The following USP25 variants were observed in gnomAD, a reference collection of about 807,000 sequenced individuals.
USP25 encodes ubiquitin carboxyl-terminal hydrolase 25.
USP25 carries 85 observed loss-of-function variants against 158.5 expected under a neutral mutation model. That is an observed-to-expected ratio of 0.54 (90% CI 0.45 to 0.64). The LOEUF is 0.64. Among genes scored for constraint, USP25 ranks in the 30% least tolerant of loss-of-function variants. USP25 has a pLI of 0.00. For missense variants in USP25, 1,242 were observed against 1,327.3 expected, an observed-to-expected ratio of 0.94 and a Z score of 1.00; for synonymous variants, 464 against 460.4, an observed-to-expected ratio of 1.01 and a Z score of -0.10.
At chr21:15,749,780 A>G (rs1302444144) in intron 1 of USP25, among the ~76,000 whole-genome samples, 2 of 152,258 alleles carry the variant, frequency 1.3e-5, no homozygotes, top group African/African-American at 4.8e-5. Context: ...ATTTGTAGGC[A>G]GGTCGAAGTG....
intron 17 of USP25, among the ~76,000 whole-genome samples, chr21:15,840,617 C>G (rs1177068462): frequency 6.6e-6 from 1 of 152,086 alleles, no homozygotes; most frequent in Non-Finnish European, 1.5e-5. Context: ...TAGCCAGAAG[C>G]ATTCAGTGTT....
At position 15,805,192 on chromosome 21, in the gene USP25, G is replaced by A. The variant is rs766466072; in HGVS notation, c.714G>A (p.Lys238=). The A allele has an allele frequency of 3.7e-6, 6 of 1,610,178 alleles. No individual in the cohort carries two copies. In the South Asian group the frequency reaches 5.5e-5, roughly 15 times the overall value. ...CACTTCTTGTTGGTACCAAAAGGAA[G>A]TATGTTGATCCATCAAGAGCAGTTG... ...LFALLVGTKR[K]YVDPSRAVEI... Residue 238 remains lysine (K), a synonymous_variant, in exon 7 of 26, where the codon AAG becomes AAA. Coordinates refer to ENST00000400183, the MANE Select transcript of USP25 (RefSeq NM_001283041.3).
chr21:15,870,298 A>G (rs907891606), intron 23 of USP25, 151 bp downstream of exon 23: 4 of 566,080 alleles, frequency 7.1e-6, no homozygotes, highest in Non-Finnish European at 1.2e-5. Flanking sequence ...CAGAAAAATT[A>G]CACAGTTGAT....
chr21:15,840,444 T>C (rs2146434996), intron 17 of USP25, among the ~76,000 whole-genome samples: 1 of 152,282 alleles, frequency 6.6e-6, no homozygotes, highest in South Asian at 2.1e-4. Context: ...TGGCACAGGT[T>C]CAATAAACAT....
At chr21:15,798,265 C>T (rs1025684418) in intron 5 of USP25, among the ~76,000 whole-genome samples, 2 of 151,198 alleles carry the variant, frequency 1.3e-5, no homozygotes, top group East Asian at 3.9e-4. Context: ...TTTTGATGTA[C>T]AGCAGAATCT....
intron 1 of USP25, among the ~76,000 whole-genome samples, chr21:15,748,667 A>G (rs750353347): frequency 2.6e-5 from 4 of 151,996 alleles, no homozygotes; most frequent in Non-Finnish European, 4.4e-5. Context: ...TACATTTATT[A>G]TGTTCTGTTG....
intron 20 of USP25, among the ~76,000 whole-genome samples, chr21:15,853,596 CTACT>C (rs955973468): frequency 9.9e-5 from 15 of 152,168 alleles, no homozygotes; most frequent in African/African-American, 2.4e-4. Flanking sequence ...AATTTTCCCA[CTACT>C]TACTTAAAAT....
chr21:15,860,174 A>G (rs971933266), intron 20 of USP25, among the ~76,000 whole-genome samples: 2 of 151,710 alleles, frequency 1.3e-5, no homozygotes, highest in Admixed American at 6.6e-5. Context: ...TTTGTTTGAG[A>G]CGGAGTCTCA....
chr21:15,858,671 A>G (rs1055949460), intron 20 of USP25, among the ~76,000 whole-genome samples: 7 of 151,820 alleles, frequency 4.6e-5, no homozygotes, highest in African/African-American at 1.2e-4. Context: ...GTGATCAGAA[A>G]TTTTTATTAC....
Position 15,826,886 on chromosome 21 carries a change from C to A in USP25, c.1467-91C>A. ...CTTTAAGATTTTTTCTTTTGAATTACAAGCCAATTTAATACTGTGGGTTTG... is the reference window on the plus strand; with the variant it reads ...CTTTAAGATTTTTTCTTTTGAATTAAAAGCCAATTTAATACTGTGGGTTTG... On this transcript the variant is annotated intron_variant, in intron 13 of 25. Coordinates refer to ENST00000400183, the MANE Select transcript of USP25 (RefSeq NM_001283041.3). This position sits in a 1 kb window ranked among gnomAD's most constrained non-coding sequence, Gnocchi z 4.8. The A allele has an allele frequency of 1.5e-6, 2 of 1,292,740 alleles. No individual in the cohort carries two copies. The highest frequency in any genetic ancestry group is 2.1e-6 in the Non-Finnish European group (2 of 932,162). 80.1% of individuals were successfully genotyped at this position (1,292,740 alleles called of 1,614,324 possible).
At chr21:15,744,814 C>T (rs1365977692) in intron 1 of USP25, 4 of 152,504 alleles carry the variant, frequency 2.6e-5, no homozygotes, top group African/African-American at 9.6e-5. Flanking sequence ...TCTTGAACTC[C>T]TGACCTCAGG....
chr21:15,865,021 A>T (rs559672031), intron 21 of USP25, among the ~76,000 whole-genome samples: 1 of 152,168 alleles, frequency 6.6e-6, no homozygotes, highest in African/African-American at 2.4e-5. Context: ...TCACGCAGAC[A>T]TATTTTCTCT....
intron 6 of USP25, among the ~76,000 whole-genome samples, chr21:15,802,779 G>C (rs1319151219): frequency 6.6e-6 from 1 of 151,580 alleles, no homozygotes. Context: ...TAATCTCAAA[G>C]CAGAAGTAAG....
At chr21:15,876,539 A>G (rs113928368) in intron 24 of USP25, 11,494 of 166,230 alleles carry the variant, frequency 0.069, 506 homozygotes, top group East Asian at 0.093. Context: ...GACCTTCATC[A>G]CATGGTGGCA....
In USP25 at chr21:15,843,654, ACT is replaced by A. The variant is rs759084105; in HGVS notation, c.2337+1117_2337+1118del. Among the ~76,000 whole-genome samples, 322 of 152,244 alleles carry A rather than the reference ACT, an allele frequency of 2.1e-3. 3 individuals carry two copies. Among genetic ancestry groups the A allele is most frequent in the Non-Finnish European group, 3.1e-3 (213 of 67,998 alleles). On this transcript the variant is annotated intron_variant, in intron 18 of 25. Transcript: ENST00000400183. The surrounding 1 kb of genome is among the most constrained non-coding windows in gnomAD (Gnocchi z 4.0). ...AATGAATTTGATGTGAACATCACTA[ACT>A]CTAAAGCTTTTCCTGGAAAATGCTT...
In USP25 at chr21:15,741,288, C is replaced by CTT. The variant is rs35427982; in HGVS notation, c.45+10863_45+10864dup. Among the ~76,000 whole-genome samples, 80 of 139,790 alleles carry CTT rather than the reference C, an allele frequency of 5.7e-4. 1 individual carries two copies. The highest frequency in any genetic ancestry group is 1.6e-3 in the African/African-American group (63 of 38,554). The allele number at this position is 139,790 out of a possible 152,430, so 91.7% of individuals were successfully genotyped here. A position where few individuals can be genotyped will look rare whatever the true frequency, so the allele number is the denominator to read the frequency against. On this transcript the variant is annotated intron_variant, in intron 1 of 25. Coordinates refer to ENST00000400183, the MANE Select transcript of USP25 (RefSeq NM_001283041.3). ...GTGTATTCATGTACCTTTTGATGTA[C>CTT]TTTTTTTTTTTTTTCCAGTTTTTTG...
At chr21:15,871,051 T>G (rs1196683869) in intron 23 of USP25, among the ~76,000 whole-genome samples, 2 of 152,212 alleles carry the variant, frequency 1.3e-5, no homozygotes, top group Non-Finnish European at 2.9e-5. Context: ...GCACAGAACA[T>G]TTCCATAATC....
chr21:15,792,821 A>G (rs1280650938), intron 5 of USP25, among the ~76,000 whole-genome samples: 6 of 151,560 alleles, frequency 4.0e-5, no homozygotes, highest in African/African-American at 1.5e-4. Context: ...GTGCATCCTA[A>G]TAAGTAATAT....
chr21:15,768,111 T>G (rs2034146952), intron 3 of USP25, among the ~76,000 whole-genome samples: 2 of 152,084 alleles, frequency 1.3e-5, no homozygotes, highest in African/African-American at 4.8e-5. Context: ...ATTTTCCACT[T>G]GAAATAATGT....
Sources: gnomAD v4.1 joint callset for allele counts (sites outside exome capture counted in the v4.1 genomes callset) on GRCh38, gnomAD v4.1.1 for gene constraint, Gnocchi (gnomAD v3.1) non-coding constraint, MANE v1.5 for transcripts, NCBI Gene and HGNC (gene_info 2026-07-23, HGNC 2026-07-21) for gene names.